RAB11FIP4: variants seen among roughly 807,000 people sequenced by gnomAD.
RAB11FIP4 encodes rab11 family-interacting protein 4.
A neutral mutation model predicts 74.3 loss-of-function variants in RAB11FIP4; 23 were observed. That is an observed-to-expected ratio of 0.31 (90% CI 0.22 to 0.44). RAB11FIP4 has a LOEUF of 0.44. Ranked by LOEUF, RAB11FIP4 falls within the 20% of genes least tolerant of loss-of-function variation. The pLI is 1.00. For synonymous variants in RAB11FIP4, 360 were observed against 359.9 expected (o/e 1.00, Z 0.00); for missense variants, 630 against 863.9 (o/e 0.73, Z 3.39).
At chr17:31,434,367 G>A (rs893926409) in intron 3 of RAB11FIP4, among the ~76,000 whole-genome samples, 1 of 152,194 alleles carries the variant, frequency 6.6e-6, no homozygotes, top group Non-Finnish European at 1.5e-5. Flanking sequence ...GCACGGAGGA[G>A]AGACTGAGTT....
rs375274849 is a variant in RAB11FIP4, at chr17:31,521,844, C to T, written c.759-71C>T. 685 of 1,587,860 alleles carry T rather than the reference C, an allele frequency of 4.3e-4. 10 individuals are homozygous for T. The South Asian group carries it at 7.2e-3, about 17-fold the overall frequency. ...GTACTGGGGACTCAAGTAAAGTCAG[C>T]TCAGCAGGGTGGTGTAGGGCACCAG... On this transcript the variant is annotated intron_variant, in intron 5 of 14. Transcript: ENST00000621161.
intron 3 of RAB11FIP4, among the ~76,000 whole-genome samples, chr17:31,478,868 C>T (rs2142736212): frequency 6.6e-6 from 1 of 152,334 alleles, no homozygotes; most frequent in African/African-American, 2.4e-5. Flanking sequence ...GGACAGCAGA[C>T]ACCTGCAACC....
intron 1 of RAB11FIP4, among the ~76,000 whole-genome samples, chr17:31,398,039 T>C (rs190311585): frequency 9.8e-4 from 149 of 152,176 alleles, no homozygotes; most frequent in African/African-American, 3.2e-3. Flanking sequence ...CATGCTCAGC[T>C]AATTTTTTGT....
chr17:31,497,596 G>T (rs2072141519), intron 3 of RAB11FIP4, among the ~76,000 whole-genome samples: 1 of 152,010 alleles, frequency 6.6e-6, no homozygotes, highest in Admixed American at 6.6e-5. Context: ...GTGGTGGGGT[G>T]GGCACCCAGT....
At chr17:31,466,917 A>G (rs375695191) in intron 3 of RAB11FIP4, among the ~76,000 whole-genome samples, 2 of 151,910 alleles carry the variant, frequency 1.3e-5, no homozygotes, top group South Asian at 4.2e-4. Context: ...GCTTATTTCC[A>G]TTTTTCTGGA....
chr17:31,517,191 C>CGGGGGGGGGGGGGGGG (rs537395833), intron 3 of RAB11FIP4, among the ~76,000 whole-genome samples: 1 of 42,700 alleles, frequency 2.3e-5, no homozygotes, highest in African/African-American at 7.4e-5. Context: ...GGAGGCGGTG[C>CGGGGGGGGGGGGGGGG]GGGGGGGGGG....
chr17:31,504,710 T>C (rs562787722), intron 3 of RAB11FIP4, among the ~76,000 whole-genome samples: 31 of 152,358 alleles, frequency 2.0e-4, no homozygotes, highest in African/African-American at 6.3e-4. Flanking sequence ...AATTCCCTAA[T>C]ATCACCCAAT....
chr17:31,498,484 C>T (rs894204412), intron 3 of RAB11FIP4, among the ~76,000 whole-genome samples: 1 of 152,182 alleles, frequency 6.6e-6, no homozygotes, highest in Non-Finnish European at 1.5e-5. Context: ...AGGGCTCTGG[C>T]AGGAGGCCCT....
chr17:31,535,252 C>G lies in RAB11FIP4; in HGVS notation c.*3520C>G, dbSNP rs533075996. 7.6e-6 allele frequency: 1 copy of G among 132,450 alleles called. No homozygotes were observed. The highest frequency in any genetic ancestry group is 2.6e-4 in the South Asian group (1 of 3,898). 8.2% of individuals were successfully genotyped at this position (132,450 alleles called of 1,614,324 possible). A position where few individuals can be genotyped will look rare whatever the true frequency, so the allele number is the denominator to read the frequency against. On this transcript the variant is annotated 3_prime_UTR_variant, in exon 15 of 15. Coordinates refer to ENST00000621161, the MANE Select transcript of RAB11FIP4 (RefSeq NM_032932.6). ...TGGGCAACATAGTGATACCTTGTCT[C>G]TACCAAAAGTTAAAAAAAAAAAAAA...
chr17:31,467,702 G>T (rs1408674494), intron 3 of RAB11FIP4, among the ~76,000 whole-genome samples: 4 of 152,116 alleles, frequency 2.6e-5, no homozygotes, highest in Non-Finnish European at 5.9e-5. Flanking sequence ...CAAGCCTGTG[G>T]AGGGCCCAGG....
In RAB11FIP4 at chr17:31,407,040, A is replaced by ATTTTTTTTTTT. The variant is rs59919036; in HGVS notation, c.159+15048_159+15058dup. 1.4e-3 allele frequency among the ~76,000 whole-genome samples: 73 copies of ATTTTTTTTTTT among 51,216 alleles called. 9 individuals are homozygous for ATTTTTTTTTTT. Among genetic ancestry groups the ATTTTTTTTTTT allele is most frequent in the East Asian group, 2.9e-3 (5 of 1,718 alleles). 33.6% of individuals were successfully genotyped at this position (51,216 alleles called of 152,430 possible). On this transcript the variant is annotated intron_variant, in intron 1 of 14. Transcript: ENST00000621161. ...CACATTTGTTTTTTTGTTTCACTTG[A>ATTTTTTTTTTT]TTTTTTTTTTTTTTTTTTTTTTTTT... is the stretch of plus-strand genomic sequence containing the variant.
intron 3 of RAB11FIP4, among the ~76,000 whole-genome samples, chr17:31,508,434 CT>C (rs1193862452): frequency 2.0e-5 from 3 of 152,240 alleles, no homozygotes; most frequent in African/African-American, 7.2e-5. Flanking sequence ...TTGGGCAGCC[CT>C]TCTCTCCTGT....
chr17:31,525,620 T>C (rs916900642), intron 10 of RAB11FIP4: 2 of 206,708 alleles, frequency 9.7e-6, no homozygotes, highest in African/African-American at 4.7e-5. Flanking sequence ...GTGCCTTGCG[T>C]GTACCTGTGG....
chr17:31,394,938 C>CGGGG (rs79511810), intron 1 of RAB11FIP4, among the ~76,000 whole-genome samples: 5 of 71,284 alleles, frequency 7.0e-5, no homozygotes, highest in African/African-American at 3.2e-4. Context: ...TGGCGGGGGG[C>CGGGG]GGGGGGGGGG....
At chr17:31,476,134 T>C (rs1283716535) in intron 3 of RAB11FIP4, among the ~76,000 whole-genome samples, 1 of 150,600 alleles carries the variant, frequency 6.6e-6, no homozygotes, top group Admixed American at 6.7e-5. Context: ...AGTGACTTCA[T>C]AGAGCATAAC....
In RAB11FIP4 at chr17:31,418,965, T is replaced by C. The variant is rs141621423; in HGVS notation, c.160-12848T>C. On this transcript the variant is annotated intron_variant, in intron 1 of 14. Coordinates refer to ENST00000621161, the MANE Select transcript of RAB11FIP4 (RefSeq NM_032932.6). The stretch of plus-strand genomic sequence containing the variant: ...TTTGTCTTCAGTCCCTCCTCCTCGC[T>C]CTTGGCACCCACTGATCTGGCTTTG... Among the ~76,000 whole-genome samples the C allele has an allele frequency of 2.6e-5, 4 of 152,188 alleles. No individual in the cohort carries two copies. The East Asian group carries it at 7.7e-4, about 29-fold the overall frequency.
At chr17:31,398,825 C>G (rs1157670725) in intron 1 of RAB11FIP4, among the ~76,000 whole-genome samples, 7 of 152,192 alleles carry the variant, frequency 4.6e-5, no homozygotes, top group African/African-American at 1.7e-4. Flanking sequence ...CTGTGTGCTG[C>G]CTGGGCTGGT....
rs1312045315 is a variant in RAB11FIP4, at chr17:31,523,875, C to T, written c.1030-18C>T. On this transcript the variant is annotated intron_variant, in intron 8 of 14. Transcript: ENST00000621161. ...GCCTCAGAGGTCTTCTCCACCCCAC[C>T]CCGGCCCCCTGCTGCAGGTAAGCTT... 3.8e-6 allele frequency: 6 copies of T among 1,589,734 alleles called. No individual in the cohort carries two copies. The South Asian group carries it at 4.5e-5, about 12-fold the overall frequency.
intron 10 of RAB11FIP4, chr17:31,526,570 G>A (rs1198288811): frequency 6.6e-6 from 1 of 152,282 alleles, no homozygotes; most frequent in African/African-American, 2.4e-5. Flanking sequence ...ATGCTCTGCA[G>A]GAGTCACTGC....
Sources: allele counts gnomAD v4.1 joint callset (sites outside exome capture counted in the v4.1 genomes callset), GRCh38; gene constraint gnomAD v4.1.1; transcripts MANE v1.5; gene names NCBI Gene and HGNC (gene_info 2026-07-23, HGNC 2026-07-21).